Variants in CNTN5 observed in about 807,000 individuals in gnomAD.
CNTN5 encodes contactin 5.
Under a neutral mutation model 129.1 loss-of-function variants are expected in CNTN5, and 77 were observed. The ratio of observed to expected loss-of-function variants is 0.60; its 90% confidence interval spans 0.50 to 0.72. The LOEUF is 0.72. Ranked by LOEUF, CNTN5 falls within the 30% of genes least tolerant of loss-of-function variation. The pLI is 0.00. For missense variants in CNTN5, 1,478 were observed against 1,328.8 expected, an observed-to-expected ratio of 1.11 and a Z score of -1.75; for synonymous variants, 509 against 465.6, an observed-to-expected ratio of 1.09 and a Z score of -1.20.
intron 3 of CNTN5, among the ~76,000 whole-genome samples, chr11:99,750,638 C>T (rs1944200982): frequency 6.6e-6 from 1 of 151,736 alleles, no homozygotes; most frequent in Non-Finnish European, 1.5e-5. Flanking sequence ...GTAAATGTTG[C>T]CAGAATCTAA....
rs142997524 is a variant in CNTN5 at position 99,561,419 on chromosome 11, A to C, written c.55+5150A>C. On this transcript the variant is annotated intron_variant, in intron 3 of 24. Transcript: ENST00000524871. ...AAATAATGAATCAGGAAAATTGATC[A>C]ATCTTTATGTAGATTAATTTCAAAT... 3.1e-3 allele frequency among the ~76,000 whole-genome samples: 476 copies of C among 152,320 alleles called. 6 individuals carry two copies. Among genetic ancestry groups the C allele is most frequent in the African/African-American group, 0.011 (454 of 41,566 alleles).
At chr11:99,458,550 G>T (rs1944575695) in intron 2 of CNTN5, among the ~76,000 whole-genome samples, 1 of 151,950 alleles carries the variant, frequency 6.6e-6, no homozygotes, top group Non-Finnish European at 1.5e-5. Context: ...TTATGGATTT[G>T]TTATCATATA....
chr11:99,190,003 T>C (rs950085762), intron 1 of CNTN5, among the ~76,000 whole-genome samples: 1 of 151,726 alleles, frequency 6.6e-6, no homozygotes, highest in African/African-American at 2.4e-5. Context: ...ATGAAACTTT[T>C]CCCTGTATTT....
intron 4 of CNTN5, among the ~76,000 whole-genome samples, chr11:99,825,937 ATCTT>A (rs1946941952): frequency 6.6e-6 from 1 of 152,156 alleles, no homozygotes; most frequent in Non-Finnish European, 1.5e-5. Flanking sequence ...AAAATACAAC[ATCTT>A]TCTTTTCAAA....
rs560033764 is a variant in CNTN5, at chr11:99,401,033, C to A, written c.-71+75549C>A. On this transcript the variant is annotated intron_variant, in intron 2 of 24. Coordinates refer to ENST00000524871, the MANE Select transcript of CNTN5 (RefSeq NM_014361.4). ...TATTTACTTCCAACCTGTGGGTTGT[C>A]TGTTTACTTTGTTGGTTGTTTCCTT... is the stretch of plus-strand genomic sequence containing the variant. 2.0e-5 allele frequency among the ~76,000 whole-genome samples: 3 copies of A among 152,100 alleles called. No individual in the cohort carries two copies. The East Asian group carries it at 5.8e-4, about 29-fold the overall frequency.
intron 6 of CNTN5, among the ~76,000 whole-genome samples, chr11:99,848,424 A>T (rs1947771080): frequency 6.6e-6 from 1 of 152,152 alleles, no homozygotes; most frequent in Admixed American, 6.6e-5. Flanking sequence ...TTATTTATCT[A>T]AAAATATAAA....
chr11:100,232,653 C>T (rs976942540), intron 16 of CNTN5, among the ~76,000 whole-genome samples: 2 of 152,194 alleles, frequency 1.3e-5, no homozygotes, highest in African/African-American at 2.4e-5. Flanking sequence ...GTTATCCCTT[C>T]GTTCATTCAG....
intron 2 of CNTN5, among the ~76,000 whole-genome samples, chr11:99,490,268 T>C (rs1452726287): frequency 6.6e-6 from 1 of 152,224 alleles, no homozygotes; most frequent in Non-Finnish European, 1.5e-5. Flanking sequence ...TCAAGAAGCA[T>C]AATTTAGGTG....
At chr11:100,098,006 G>T (rs1212861758) in intron 13 of CNTN5, among the ~76,000 whole-genome samples, 1 of 151,906 alleles carries the variant, frequency 6.6e-6, no homozygotes, top group Admixed American at 6.6e-5. Context: ...TTGTTTCGTT[G>T]TCAGAATTAC....
chr11:99,821,082 C>G (rs112135756), intron 4 of CNTN5, among the ~76,000 whole-genome samples: 4,440 of 152,208 alleles, frequency 0.029, 183 homozygotes, highest in Admixed American at 0.092. Context: ...CTTTCTATTA[C>G]CTTAAGCCTA....
At chr11:100,208,886 G>T (rs1948966477) in intron 15 of CNTN5, among the ~76,000 whole-genome samples, 1 of 152,168 alleles carries the variant, frequency 6.6e-6, no homozygotes, top group Admixed American at 6.6e-5. Flanking sequence ...TCTACTGTCA[G>T]CGATCAGGTC....
intron 1 of CNTN5, among the ~76,000 whole-genome samples, chr11:99,244,018 G>C (rs1861696395): frequency 6.6e-6 from 1 of 152,062 alleles, no homozygotes; most frequent in Non-Finnish European, 1.5e-5. Flanking sequence ...TTGGTAGTTT[G>C]ATAGGAATAT....
At chr11:99,558,313 G>A in intron 3 of CNTN5, 1 of 401,178 alleles carries the variant, frequency 2.5e-6, no homozygotes. Context: ...TGGAGGTAGG[G>A]TTGCAAGATG....
At chr11:99,523,657 AACAG>A (rs1210814415) in intron 2 of CNTN5, among the ~76,000 whole-genome samples, 564 of 41,698 alleles carry the variant, frequency 0.014, 3 homozygotes, top group South Asian at 0.03. Context: ...AATAGAACAG[AACAG>A]ATCAGAACAG....
intron 3 of CNTN5, among the ~76,000 whole-genome samples, chr11:99,672,810 T>G (rs1953105167): frequency 6.6e-6 from 1 of 151,996 alleles, no homozygotes; most frequent in African/African-American, 2.4e-5. Flanking sequence ...TTAGACCTGT[T>G]TTCTTGGCTA....
chr11:99,057,576 C>T (rs777967864), intron 1 of CNTN5, among the ~76,000 whole-genome samples: 1 of 151,822 alleles, frequency 6.6e-6, no homozygotes, highest in Non-Finnish European at 1.5e-5. Context: ...TTTTATTGAA[C>T]ATGATTTTAA....
In CNTN5 at chr11:99,427,323, C is replaced by A. The variant is rs541118879; in HGVS notation, c.-71+101839C>A. ...AGATAAAATATTTTTAGCATTAGGCCACAACAACAGTTAGAACCTGAGGGG... is the reference window on the plus strand; with the variant it reads ...AGATAAAATATTTTTAGCATTAGGCAACAACAACAGTTAGAACCTGAGGGG... On this transcript the variant is annotated intron_variant, in intron 2 of 24. Transcript: ENST00000524871. 2.0e-5 allele frequency among the ~76,000 whole-genome samples: 3 copies of A among 151,952 alleles called. No individual in the cohort carries two copies. In the East Asian group the frequency reaches 5.8e-4, roughly 29 times the overall value.
intron 9 of CNTN5, among the ~76,000 whole-genome samples, chr11:100,044,013 T>C (rs1942515792): frequency 6.6e-6 from 1 of 151,924 alleles, no homozygotes; most frequent in African/African-American, 2.4e-5. Context: ...GCCCGTTAAG[T>C]AATTTCTTAT....
intron 13 of CNTN5, among the ~76,000 whole-genome samples, chr11:100,091,337 GTTAC>G (rs1944773980): frequency 6.7e-6 from 1 of 149,224 alleles, no homozygotes; most frequent in South Asian, 2.1e-4. Flanking sequence ...CCCTATCCTT[GTTAC>G]TTCTCTCACA....
Sources: allele counts gnomAD v4.1 joint callset (sites outside exome capture counted in the v4.1 genomes callset), GRCh38; gene constraint gnomAD v4.1.1; transcripts MANE v1.5; gene names NCBI Gene and HGNC (gene_info 2026-07-23, HGNC 2026-07-21).